The following LFNG variants were observed in gnomAD, a reference collection of about 807,000 sequenced individuals.
The protein encoded by LFNG is LFNG O-fucosylpeptide 3-beta-N-acetylglucosaminyltransferase, also known as beta-1,3-N-acetylglucosaminyltransferase lunatic fringe.
A neutral mutation model predicts 32.7 loss-of-function variants in LFNG; 15 were observed. That is an observed-to-expected ratio of 0.46 (90% CI 0.31 to 0.71). The LOEUF is 0.71. LFNG is among the 30% of genes least tolerant of loss of function. The pLI is 0.06. For missense variants in LFNG, 520 were observed against 545.7 expected (o/e 0.95, Z 0.47); for synonymous variants, 274 against 246.8 (o/e 1.11, Z -1.03).
chr7:2,525,134 C>T (rs1290654340), intron 2 of LFNG, 85 bp from the exon 3 acceptor site: 7 of 1,208,910 alleles, frequency 5.8e-6, no homozygotes, highest in Non-Finnish European at 7.2e-6. Context: ...TTTTCTCGAG[C>T]CCCTGGGCCC....
upstream of LFNG, chr7:2,518,742 A>C: frequency 8.5e-7 from 1 of 1,172,390 alleles, no homozygotes; most frequent in Non-Finnish European, 1.2e-6. Flanking sequence ...AGGGCACGGG[A>C]AGACAGCGCA....
chr7:2,528,287 C>A lies in LFNG; in HGVS notation c.*1075C>A. ...TGGGCCCAGCATGGCTCACCTGTCC[C>A]GTGGGCTGTGTTTCTTGTTGTTTTT... On this transcript the variant is annotated 3_prime_UTR_variant, in exon 8 of 8. Transcript: ENST00000222725. 1.0e-6 allele frequency: 1 copy of A among 986,144 alleles called. No homozygotes were observed. The allele number at this position is 986,144 out of a possible 1,614,324, so 61.1% of individuals were successfully genotyped here.
Position 2,526,486 on chromosome 7 carries a change from G to A in LFNG, c.987+77G>A. 1 of 1,514,420 alleles carries A rather than the reference G, an allele frequency of 6.6e-7. No homozygotes were observed. The highest frequency in any genetic ancestry group is 9.0e-7 in the Non-Finnish European group (1 of 1,106,716). 93.8% of individuals were successfully genotyped at this position (1,514,420 alleles called of 1,614,324 possible). A position where few individuals can be genotyped will look rare whatever the true frequency, so the allele number is the denominator to read the frequency against. ...TGTGGCTGCCGAGAGGGGCGCAGTGGGGTGGGGCACTGTTCTAAACAGGGA... is the reference window on the plus strand; with the variant it reads ...TGTGGCTGCCGAGAGGGGCGCAGTGAGGTGGGGCACTGTTCTAAACAGGGA... On this transcript the variant is annotated intron_variant, in intron 6 of 7. Transcript: ENST00000222725. The surrounding 1 kb of genome is among the most constrained non-coding windows in gnomAD (Gnocchi z 6.9).
At position 2,520,218 on chromosome 7, in the gene LFNG, C is replaced by G. The variant is rs764696423; in HGVS notation, c.357C>G (p.Val119=). The G allele has an allele frequency of 1.6e-5, 26 of 1,609,346 alleles. No homozygotes were observed. Among genetic ancestry groups the G allele is most frequent in the Non-Finnish European group, 2.1e-5 (25 of 1,178,432 alleles). The change falls in exon 1 of 8, where the codon GTC becomes GTG. Residue 119 remains valine, a synonymous_variant. Transcript: ENST00000222725. This position sits in a 1 kb window ranked among gnomAD's most constrained non-coding sequence, Gnocchi z 5.0. Reference sequence around the variant, plus strand: ...CGCCCCGAGACGTCTTCATCGCTGTCAAGACCACCAAAAAGTTCCACCGCG... The same window carrying G: ...CGCCCCGAGACGTCTTCATCGCTGTGAAGACCACCAAAAAGTTCCACCGCG... ...PLAPRDVFIA[V]KTTKKFHRAR...
At position 2,527,804 on chromosome 7, in the gene LFNG, C is replaced by T; in HGVS notation, c.*592C>T. On this transcript the variant is annotated 3_prime_UTR_variant, in exon 8 of 8. Coordinates refer to ENST00000222725, the MANE Select transcript of LFNG (RefSeq NM_001040167.2). This position sits in a 1 kb window ranked among gnomAD's most constrained non-coding sequence, Gnocchi z 4.4. ...CAGTTCCAGTGGCCCCACGAAGCCC[C>T]CAGTGGCTGGCTGTCCAGCTGGGCA... The T allele has an allele frequency of 3.0e-6, 3 of 1,004,212 alleles. No individual in the cohort carries two copies. The highest frequency in any genetic ancestry group is 5.2e-5 in the Admixed American group (1 of 19,182). 62.2% of individuals were successfully genotyped at this position (1,004,212 alleles called of 1,614,324 possible).
Position 2,520,990 on chromosome 7 carries a change from G to A in LFNG, c.432+697G>A, listed in dbSNP as rs1779771464. Among the ~76,000 whole-genome samples the A allele has an allele frequency of 6.6e-6, 1 of 152,226 alleles. No homozygotes were observed. Among genetic ancestry groups the A allele is most frequent in the African/African-American group, 2.4e-5 (1 of 41,464 alleles). The stretch of plus-strand genomic sequence containing the variant: ...CCTCGAGGCCACAGCAGGACGGTTG[G>A]GCTGGGGCGGGATGGGGACAGTGTG... On this transcript the variant is annotated intron_variant, in intron 1 of 7. Transcript: ENST00000222725. The surrounding 1 kb of genome is among the most constrained non-coding windows in gnomAD (Gnocchi z 5.0).
chr7:2,522,564 T>C (rs1779822740), intron 1 of LFNG, among the ~76,000 whole-genome samples: 1 of 128,072 alleles, frequency 7.8e-6, no homozygotes, highest in African/African-American at 2.5e-5. Context: ...TTCCTGTGGG[T>C]GTCCCCCGGC....
chr7:2,512,751 C>T, intron 1 of LFNG: 2 of 1,574,722 alleles, frequency 1.3e-6, no homozygotes, highest in Non-Finnish European at 8.7e-7. Context: ...AGAGCCGTCC[C>T]TCTTGCTCGT....
chr7:2,512,553 G>C, exon 1 of LFNG: 1 of 1,001,456 alleles, frequency 1.0e-6, no homozygotes, highest in African/African-American at 1.6e-5. Flanking sequence ...CACTGGCAGA[G>C]CCTCCCAAGG....
At chr7:2,513,349 G>A (rs778958670), upstream of LFNG, 2 of 1,573,228 alleles carry the variant, frequency 1.3e-6, no homozygotes, top group Admixed American at 3.5e-5. Context: ...CATTCCTGGG[G>A]ACATAACCTC....
At position 2,525,492 on chromosome 7, in the gene LFNG, G is replaced by T; in HGVS notation, c.660G>T (p.Thr220=). 6.2e-7 allele frequency: 1 copy of T among 1,612,430 alleles called. No individual in the cohort carries two copies. Among genetic ancestry groups the T allele is most frequent in the Non-Finnish European group, 8.5e-7 (1 of 1,179,872 alleles). ...GGCTGCTGGCCAGCTACCCGCACAC[G>T]CGGGACGTCTACGTCGGCAAGCCCA... is the stretch of plus-strand genomic sequence containing the variant. ...LLRLLASYPH[T]RDVYVGKPSL... Residue 220 remains threonine (T), a synonymous_variant, in exon 4 of 8, where the codon ACG becomes ACT. Transcript: ENST00000222725.
At chr7:2,513,375 C>T, upstream of LFNG, 1 of 1,539,582 alleles carries the variant, frequency 6.5e-7, no homozygotes, top group Non-Finnish European at 8.8e-7. Flanking sequence ...CTTCTGCTTC[C>T]AGAGCAGCCT....
chr7:2,513,048 TCCCAGC>T, upstream of LFNG: 4 of 1,075,070 alleles, frequency 3.7e-6, no homozygotes, highest in Non-Finnish European at 4.1e-6. Flanking sequence ...GTCCCCTGCC[TCCCAGC>T]CCCAGCCCAC....
chr7:2,514,322 C>T (rs1779556833), upstream of LFNG, among the ~76,000 whole-genome samples: 1 of 151,820 alleles, frequency 6.6e-6, no homozygotes, highest in Non-Finnish European at 1.5e-5. Context: ...CAACCTCTAC[C>T]AACCAATGTT....
rs1394680539 is a variant in LFNG, at chr7:2,527,246, CT to C, written c.*35del. On this transcript the variant is annotated 3_prime_UTR_variant, in exon 8 of 8. Transcript: ENST00000222725. This position sits in a 1 kb window ranked among gnomAD's most constrained non-coding sequence, Gnocchi z 4.4. ...GCTGAGACCCAATCCCTGGGCGCCC[CT>C]GGTATCCAAAGGGCCCAGGGACCCT... is the stretch of plus-strand genomic sequence containing the variant. 1 of 1,608,932 alleles carries C rather than the reference CT, an allele frequency of 6.2e-7. No individual in the cohort carries two copies. Among genetic ancestry groups the C allele is most frequent in the East Asian group, 2.2e-5 (1 of 44,766 alleles).
At chr7:2,519,320 G>T (rs527298899), upstream of LFNG, among the ~76,000 whole-genome samples, 4 of 152,288 alleles carry the variant, frequency 2.6e-5, no homozygotes, top group African/African-American at 9.6e-5. Flanking sequence ...CCAAGGGGAG[G>T]AAGCCGTGCT....
At chr7:2,512,762 G>A (rs1779524797) in intron 1 of LFNG, 1 of 1,498,282 alleles carries the variant, frequency 6.7e-7, no homozygotes, top group South Asian at 1.1e-5. Flanking sequence ...TCTTGCTCGT[G>A]AACCTGGAGC....
At position 2,520,048 on chromosome 7, in the gene LFNG, G is replaced by A; in HGVS notation, c.187G>A (p.Ala63Thr). 9.1e-7 allele frequency: 1 copy of A among 1,103,686 alleles called. No individual in the cohort carries two copies. The highest frequency in any genetic ancestry group is 1.1e-6 in the Non-Finnish European group (1 of 907,934). The allele number at this position is 1,103,686 out of a possible 1,614,324, so 68.4% of individuals were successfully genotyped here. Residue 63 changes from alanine (A) to threonine (T), a missense_variant, in exon 1 of 8, where the codon GCG becomes ACG. Around this residue, in one of 3 missense-constraint regions of LFNG, gnomAD observed 360 missense variants for 354.7 expected, o/e 1.01. Transcript: ENST00000222725. The surrounding 1 kb of genome is among the most constrained non-coding windows in gnomAD (Gnocchi z 5.0). ...PAPGLGAAAAAPGALVRDVHS... is the reference protein window; with the variant it reads ...PAPGLGAAAATPGALVRDVHS... ...GCCCGGGCTGGGGGCGGCGGCGGCG[G>A]CGCCCGGGGCGCTGGTCCGCGACGT... is the stretch of plus-strand genomic sequence containing the variant.
rs897178344 is a variant in LFNG, at chr7:2,520,781, A to G, written c.432+488A>G. Among the ~76,000 whole-genome samples the G allele has an allele frequency of 1.3e-5, 2 of 151,944 alleles. No individual in the cohort carries two copies. Among genetic ancestry groups the G allele is most frequent in the Non-Finnish European group, 2.9e-5 (2 of 68,002 alleles). ...TAAGGTACGGGGAGGGAGGGAAGTC[A>G]TTGCTGGTTGGTGGGTCCTGGGGAG... On this transcript the variant is annotated intron_variant, in intron 1 of 7. Coordinates refer to ENST00000222725, the MANE Select transcript of LFNG (RefSeq NM_001040167.2). This position sits in a 1 kb window ranked among gnomAD's most constrained non-coding sequence, Gnocchi z 5.0.
Sources: gnomAD v4.1 joint callset for allele counts (sites outside exome capture counted in the v4.1 genomes callset) on GRCh38, gnomAD v4.1.1 for gene constraint, gnomAD v4.1.1 regional missense constraint, Gnocchi (gnomAD v3.1) non-coding constraint, MANE v1.5 for transcripts, NCBI Gene and HGNC (gene_info 2026-07-23, HGNC 2026-07-21) for gene names.